The following HFM1 variants were observed in gnomAD, a reference collection of about 807,000 sequenced individuals.
HFM1 encodes the protein probable ATP-dependent DNA helicase HFM1.
In HFM1, 169 loss-of-function variants were observed where a neutral mutation model predicts 192.1. The observed-to-expected ratio is 0.88, with a 90% confidence interval of 0.78 to 1.00. The LOEUF (loss-of-function observed/expected upper bound fraction) is 1.00, where lower values mean the gene tolerates loss of function less well. Among genes scored for constraint, HFM1 ranks in the 50% least tolerant of loss-of-function variants. The pLI is 0.00. For missense variants in HFM1, 1,661 were observed against 1,668.0 expected, an observed-to-expected ratio of 1.00 and a Z score of 0.07; for synonymous variants, 525 against 537.8, an observed-to-expected ratio of 0.98 and a Z score of 0.33.
At position 91,285,608 on chromosome 1, in the gene HFM1, A is replaced by C. The variant is rs146923892; in HGVS notation, c.3392-8546T>G. On this transcript the variant is annotated intron_variant, in intron 30 of 38. Coordinates refer to ENST00000370425, the MANE Select transcript of HFM1 (RefSeq NM_001017975.6). The stretch of plus-strand genomic sequence containing the variant: ...GTGTATCTTTATCCAGGGATATATA[A>C]ATTTGCATATAAAAATTGAATTGTA... Among the ~76,000 whole-genome samples, 238 of 152,260 alleles carry C rather than the reference A, an allele frequency of 1.6e-3. 3 individuals carry two copies. The East Asian group carries it at 0.023, about 15-fold the overall frequency.
chr1:91,384,228 T>C (rs913673829), intron 6 of HFM1, among the ~76,000 whole-genome samples: 2 of 152,196 alleles, frequency 1.3e-5, no homozygotes, highest in Non-Finnish European at 1.5e-5. Flanking sequence ...TGCCTTTCAA[T>C]GTATTTGGAA....
At chr1:91,383,515 A>C (rs541193015) in intron 6 of HFM1, among the ~76,000 whole-genome samples, 4 of 152,272 alleles carry the variant, frequency 2.6e-5, no homozygotes, top group Non-Finnish European at 4.4e-5. Flanking sequence ...AGCCATCTGC[A>C]TTGGAGGCAA....
chr1:91,300,242 T>G (rs184326277), intron 30 of HFM1, among the ~76,000 whole-genome samples: 1 of 152,040 alleles, frequency 6.6e-6, no homozygotes, highest in East Asian at 1.9e-4. Context: ...AGGAAGAAGC[T>G]GAATCTCTGA....
Position 91,385,910 on chromosome 1 carries a change from T to C in HFM1, c.495-76A>G, listed in dbSNP as rs1213010644. On this transcript the variant is annotated intron_variant, in intron 4 of 38. Coordinates refer to ENST00000370425, the MANE Select transcript of HFM1 (RefSeq NM_001017975.6). ...GGAATATGAAAAACTAGCATAAAAT[T>C]GGCCCCCTTAAAAACACTCATAGAT... 17 of 1,284,320 alleles carry C rather than the reference T, an allele frequency of 1.3e-5. No homozygotes were observed. The Admixed American group carries it at 3.8e-4, about 29-fold the overall frequency. 79.6% of individuals were successfully genotyped at this position (1,284,320 alleles called of 1,614,324 possible).
intron 28 of HFM1, among the ~76,000 whole-genome samples, chr1:91,314,921 T>C (rs1650980742): frequency 6.6e-6 from 1 of 152,176 alleles, no homozygotes; most frequent in South Asian, 2.1e-4. Flanking sequence ...CTGCAGTCCC[T>C]TCAGAAACCT....
At chr1:91,400,925 A>C in intron 2 of HFM1, 87 bp downstream of exon 2, 2 of 582,524 alleles carry the variant, frequency 3.4e-6, no homozygotes, top group Non-Finnish European at 6.0e-6. Context: ...TTATTTGTAT[A>C]TTTACCAGAG....
rs1160361579 is a variant in HFM1, at chr1:91,292,418, A to G, written c.3392-15356T>C. On this transcript the variant is annotated intron_variant, in intron 30 of 38. Transcript: ENST00000370425. The stretch of plus-strand genomic sequence containing the variant: ...TCTTATACACCAATAACAGACAAAC[A>G]GAGAGCCAAATCATGAGTGAACTCC... 1.2e-3 allele frequency among the ~76,000 whole-genome samples: 162 copies of G among 132,226 alleles called. 2 individuals carry two copies. In the East Asian group the frequency reaches 0.02, roughly 16 times the overall value. The allele number at this position is 132,226 out of a possible 152,430, so 86.7% of individuals were successfully genotyped here. A position where few individuals can be genotyped will look rare whatever the true frequency, so the allele number is the denominator to read the frequency against.
chr1:91,319,339 T>C lies in HFM1; in HGVS notation c.2634A>G (p.Thr878=). The C allele has an allele frequency of 6.2e-7, 1 of 1,613,216 alleles. No individual in the cohort carries two copies. Among genetic ancestry groups the C allele is most frequent in the Non-Finnish European group, 8.5e-7 (1 of 1,179,258 alleles). The change falls in exon 24 of 39, where the codon ACA becomes ACG. Residue 878 remains threonine (T), a synonymous_variant. Transcript: ENST00000370425. ...GTCTGAAAATCTTTGCGGTATCTTG[T>C]GTCAAAGCAAAATCTTGTATGGGAA... is the stretch of plus-strand genomic sequence containing the variant. ...GCIPIQDFAL[T]QDTAKIFRHG... is the part of the protein sequence containing the mutation.
intron 13 of HFM1, among the ~76,000 whole-genome samples, chr1:91,355,374 C>G (rs1349229125): frequency 6.6e-6 from 1 of 151,468 alleles, no homozygotes; most frequent in Non-Finnish European, 1.5e-5. Context: ...AATAATAACC[C>G]TGAAGGCAAA....
At chr1:91,399,336 A>C (rs1266481161) in intron 2 of HFM1, among the ~76,000 whole-genome samples, 2 of 143,338 alleles carry the variant, frequency 1.4e-5, no homozygotes, top group Non-Finnish European at 3.1e-5. Context: ...TAGCTTTGAC[A>C]GATAGATATT....
chr1:91,385,158 G>C, intron 6 of HFM1, 29 bp downstream of exon 6: 2 of 1,273,106 alleles, frequency 1.6e-6, no homozygotes, highest in Non-Finnish European at 2.2e-6. Flanking sequence ...TAAATACAAA[G>C]CAGCTATTGT....
chr1:91,313,840 T>C (rs1650829360), intron 29 of HFM1, 117 bp downstream of exon 29: 1 of 532,832 alleles, frequency 1.9e-6, no homozygotes, highest in Non-Finnish European at 3.3e-6. Flanking sequence ...ATTATCTAAA[T>C]ATATTATTTT....
intron 30 of HFM1, among the ~76,000 whole-genome samples, chr1:91,294,469 C>T (rs1240201420): frequency 6.6e-6 from 1 of 152,142 alleles, no homozygotes; most frequent in African/African-American, 2.4e-5. Context: ...AATTCAATCT[C>T]CTTGCTCTAT....
In HFM1 at chr1:91,262,270, G is replaced by T; in HGVS notation, c.4209C>A (p.Asn1403Lys). ...NYKKVDFFIRNSECKKEVDFS... is the reference protein window; with the variant it reads ...NYKKVDFFIRKSECKKEVDFS... Reference sequence around the variant, plus strand: ...AATCAACTTCCTTTTTACATTCACTGTTTCTAATAAAAAAATCCACTTTTT... The same window carrying T: ...AATCAACTTCCTTTTTACATTCACTTTTTCTAATAAAAAAATCCACTTTTT... Residue 1403 changes from asparagine (N) to lysine (K), a missense_variant, in exon 38 of 39, where the codon AAC (asparagine) becomes AAA (lysine). Transcript: ENST00000370425. The T allele has an allele frequency of 7.0e-7, 1 of 1,426,334 alleles. No individual in the cohort carries two copies. The highest frequency in any genetic ancestry group is 9.7e-7 in the Non-Finnish European group (1 of 1,033,512). The allele number at this position is 1,426,334 out of a possible 1,614,324, so 88.4% of individuals were successfully genotyped here.
At chr1:91,385,403 A>T (rs1325366480) in intron 5 of HFM1, among the ~76,000 whole-genome samples, 169 bp from the exon 6 acceptor site, 2 of 152,204 alleles carry the variant, frequency 1.3e-5, no homozygotes, top group East Asian at 1.9e-4. Flanking sequence ...CACAGGATAA[A>T]ATATTTTAAC....
At chr1:91,387,264 G>A (rs878963655) in intron 4 of HFM1, among the ~76,000 whole-genome samples, 2 of 151,996 alleles carry the variant, frequency 1.3e-5, no homozygotes, top group African/African-American at 4.8e-5. Context: ...ACAATCCAAC[G>A]CTTGGTGAAT....
Position 91,274,722 on chromosome 1 carries a change from A to C in HFM1, c.3668+8T>G, listed in dbSNP as rs1356933870. 1 of 1,360,406 alleles carries C rather than the reference A, an allele frequency of 7.4e-7. No individual in the cohort carries two copies. Among genetic ancestry groups the C allele is most frequent in the Non-Finnish European group, 1.0e-6 (1 of 953,620 alleles). The allele number at this position is 1,360,406 out of a possible 1,614,324, so 84.3% of individuals were successfully genotyped here. A position where few individuals can be genotyped will look rare whatever the true frequency, so the allele number is the denominator to read the frequency against. ...ATTTTACCTTAGATATTAACATTAT[A>C]TTTGTACCTTGATATACTAGGAAGG... On this transcript the variant is annotated splice_region_variant and intron_variant, in intron 33 of 38. Coordinates refer to ENST00000370425, the MANE Select transcript of HFM1 (RefSeq NM_001017975.6).
intron 7 of HFM1, 53 bp downstream of exon 7, chr1:91,380,859 G>T: frequency 1.2e-6 from 1 of 855,336 alleles, no homozygotes; most frequent in South Asian, 1.4e-5. Context: ...CCAATCTAGT[G>T]ATCATAACCT....
Position 91,353,064 on chromosome 1 carries a change from A to C in HFM1, c.1818T>G (p.Asp606Glu). The C allele has an allele frequency of 6.3e-7, 1 of 1,596,612 alleles. No homozygotes were observed. The highest frequency in any genetic ancestry group is 8.6e-7 in the Non-Finnish European group (1 of 1,165,122). The change falls in exon 15 of 39, where the codon GAT (aspartate) becomes GAG (glutamate). Residue 606 changes from aspartate to glutamate, a missense_variant. Coordinates refer to ENST00000370425, the MANE Select transcript of HFM1 (RefSeq NM_001017975.6). ...TGTTTTACTTACAAAGAACTGGTAA[A>C]TCTCCAACAGTAAAAGCTCCCTCAA... The part of the protein sequence containing the change: ...KVVEGAFTVG[D>E]LPVLFTTSTL...
Sources: gnomAD v4.1 joint callset for allele counts (sites outside exome capture counted in the v4.1 genomes callset) on GRCh38, gnomAD v4.1.1 for gene constraint, MANE v1.5 for transcripts, NCBI Gene and HGNC (gene_info 2026-07-23, HGNC 2026-07-21) for gene names.